Variants in PPARGC1B observed in about 807,000 individuals in gnomAD.
PPARGC1B encodes the protein peroxisome proliferator-activated receptor gamma coactivator 1-beta.
A neutral mutation model predicts 101.6 loss-of-function variants in PPARGC1B; 34 were observed. The observed-to-expected ratio is 0.33, with a 90% confidence interval of 0.25 to 0.45. The LOEUF (loss-of-function observed/expected upper bound fraction) is 0.45, where lower values mean the gene tolerates loss of function less well. PPARGC1B is among the 20% of genes least tolerant of loss of function. The probability of loss-of-function intolerance (pLI) is 1.00; values close to 1 mark genes in which losing one functional copy is unlikely to be tolerated. For synonymous variants in PPARGC1B, 548 were observed against 539.3 expected (o/e 1.02, Z -0.22); for missense variants, 1,234 against 1,317.6 (o/e 0.94, Z 0.98).
At chr5:149,799,693 G>GTTTTTGTTTT (rs1757363943) in intron 1 of PPARGC1B, among the ~76,000 whole-genome samples, 1 of 76,480 alleles carries the variant, frequency 1.3e-5, no homozygotes, top group Non-Finnish European at 2.2e-5. Context: ...GCTTGTTGTT[G>GTTTTTGTTTT]TTTTTTTTTT....
intron 11 of PPARGC1B, chr5:149,847,151 C>G (rs558341819): frequency 8.4e-5 from 41 of 490,086 alleles, no homozygotes; most frequent in Non-Finnish European, 1.4e-4. Context: ...TACTAATGGA[C>G]GAGAAGCTGT....
At chr5:149,755,040 C>CATATATATATATATAT (rs761461783) in intron 1 of PPARGC1B, among the ~76,000 whole-genome samples, 17 of 85,238 alleles carry the variant, frequency 2.0e-4, no homozygotes, top group South Asian at 1.4e-3. Context: ...ACTACATATA[C>CATATATATATATATAT]ATATACATAT....
chr5:149,764,337 C>T (rs570220686), intron 1 of PPARGC1B, among the ~76,000 whole-genome samples: 3 of 152,224 alleles, frequency 2.0e-5, no homozygotes, highest in African/African-American at 4.8e-5. Context: ...CTCAGCCCGG[C>T]GAGCAGTGGC....
intron 3 of PPARGC1B, among the ~76,000 whole-genome samples, chr5:149,828,132 T>C (rs1226619645): frequency 6.6e-6 from 1 of 152,180 alleles, no homozygotes; most frequent in Non-Finnish European, 1.5e-5. Context: ...AACTCAGGTA[T>C]TCACTCCTAG....
At chr5:149,745,932 A>G (rs1755072419) in intron 1 of PPARGC1B, among the ~76,000 whole-genome samples, 1 of 152,188 alleles carries the variant, frequency 6.6e-6, no homozygotes, top group Non-Finnish European at 1.5e-5. Context: ...GCAGCCTGAG[A>G]GAACACAAGT....
chr5:149,742,898 T>C (rs200606679), intron 1 of PPARGC1B, among the ~76,000 whole-genome samples: 1 of 151,522 alleles, frequency 6.6e-6, no homozygotes, highest in South Asian at 2.1e-4. Context: ...GTGGCTGGGG[T>C]GGGTGGTGGG....
At chr5:149,766,238 T>C (rs1209626784) in intron 1 of PPARGC1B, among the ~76,000 whole-genome samples, 1 of 152,208 alleles carries the variant, frequency 6.6e-6, no homozygotes, top group African/African-American at 2.4e-5. Context: ...AGTTATGTGG[T>C]TTAGGCAACA....
intron 1 of PPARGC1B, among the ~76,000 whole-genome samples, chr5:149,751,486 A>G (rs1337202884): frequency 4.6e-5 from 7 of 152,132 alleles, no homozygotes; most frequent in Non-Finnish European, 8.8e-5. Flanking sequence ...CGGGCGGATC[A>G]CCTGAGGTCA....
chr5:149,765,174 G>A (rs971381167), intron 1 of PPARGC1B, among the ~76,000 whole-genome samples: 2 of 152,240 alleles, frequency 1.3e-5, no homozygotes, highest in East Asian at 1.9e-4. Context: ...GTGTGACTTG[G>A]GTCAGCTTGT....
Position 149,772,178 on chromosome 5 carries a change from G to T in PPARGC1B, c.78+41758G>T, listed in dbSNP as rs559100817. 4.4e-6 allele frequency: 7 copies of T among 1,607,278 alleles called. No homozygotes were observed. In the South Asian group the frequency reaches 7.8e-5, roughly 18 times the overall value. ...CAGAGGTTGTTTAGGTGGCGTTGGTGGTGAAGGCTTTTTCTGTGAGCTTGT... is the reference window on the plus strand; with the variant it reads ...CAGAGGTTGTTTAGGTGGCGTTGGTTGTGAAGGCTTTTTCTGTGAGCTTGT... On this transcript the variant is annotated intron_variant, in intron 1 of 11. Transcript: ENST00000309241.
Position 149,833,339 on chromosome 5 carries a change from G to A in PPARGC1B, c.1266G>A (p.Arg422=). ...LRLEVKREVR[R]PARLQQQEEE... is the part of the protein sequence containing the mutation. ...TGGAGGTGAAAAGGGAGGTCCGCCG[G>A]CCTGCCAGACTGCAGCAGCAGGAGG... Residue 422 remains arginine, a synonymous_variant, in exon 5 of 12, where the codon CGG becomes CGA. Coordinates refer to ENST00000309241, the MANE Select transcript of PPARGC1B (RefSeq NM_133263.4). The surrounding 1 kb of genome is among the most constrained non-coding windows in gnomAD (Gnocchi z 4.1). 1 of 1,613,424 alleles carries A rather than the reference G, an allele frequency of 6.2e-7. No homozygotes were observed. The highest frequency in any genetic ancestry group is 8.5e-7 in the Non-Finnish European group (1 of 1,180,024).
At chr5:149,750,197 T>A (rs1028151119) in intron 1 of PPARGC1B, among the ~76,000 whole-genome samples, 1 of 151,926 alleles carries the variant, frequency 6.6e-6, no homozygotes, top group Non-Finnish European at 1.5e-5. Flanking sequence ...AGAGAATCCC[T>A]GATTTCCAAC....
Position 149,799,693 on chromosome 5 carries a change from G to GTTTTTTTTTTTTTTTTTTTT in PPARGC1B, c.79-20738_79-20719dup, listed in dbSNP as rs11371560. 2.6e-4 allele frequency among the ~76,000 whole-genome samples: 20 copies of GTTTTTTTTTTTTTTTTTTTT among 76,478 alleles called. 5 individuals carry two copies. The highest frequency in any genetic ancestry group is 1.1e-3 in the South Asian group (2 of 1,764). The allele number at this position is 76,478 out of a possible 152,430, so 50.2% of individuals were successfully genotyped here. Reference sequence around the variant, plus strand: ...TTTGTTTGTTTGTTTGCTTGTTGTTGTTTTTTTTTTTTTTTTTTTTTGAGA... The same window carrying GTTTTTTTTTTTTTTTTTTTT: ...TTTGTTTGTTTGTTTGCTTGTTGTTGTTTTTTTTTTTTTTTTTTTTTTTTTTTTTTTTTTTTTTTTTGAGA... On this transcript the variant is annotated intron_variant, in intron 1 of 11. Transcript: ENST00000309241.
Position 149,836,375 on chromosome 5 carries a change from G to A in PPARGC1B, c.1920G>A (p.Glu640=). Residue 640 remains glutamate, a synonymous_variant, in exon 8 of 12, where the codon GAG becomes GAA. Transcript: ENST00000309241. ...TAGCTCTCAGCCTCCCCTCCCCTGAGGGCCTCTCACTCAAGGCCACCCCAG... is the reference window on the plus strand; with the variant it reads ...TAGCTCTCAGCCTCCCCTCCCCTGAAGGCCTCTCACTCAAGGCCACCCCAG... ...KEIALSLPSP[E]GLSLKATPGA... 1.2e-6 allele frequency: 2 copies of A among 1,614,070 alleles called. No homozygotes were observed. The highest frequency in any genetic ancestry group is 1.7e-5 in the Admixed American group (1 of 60,022).
chr5:149,840,014 G>A (rs779547432), intron 8 of PPARGC1B, 27 bp from the exon 9 acceptor site: 1 of 1,611,354 alleles, frequency 6.2e-7, no homozygotes, highest in Admixed American at 1.7e-5. Context: ...GAGAGTGAGT[G>A]CCTCTGCTTT....
intron 1 of PPARGC1B, among the ~76,000 whole-genome samples, chr5:149,783,138 C>T (rs899643436): frequency 6.6e-6 from 1 of 151,972 alleles, no homozygotes; most frequent in Non-Finnish European, 1.5e-5. Flanking sequence ...CCTTCTTCAC[C>T]CCTGGGCCAC....
downstream of PPARGC1B, among the ~76,000 whole-genome samples, chr5:149,855,526 C>T (rs183304626): frequency 9.9e-5 from 15 of 152,270 alleles, no homozygotes; most frequent in African/African-American, 3.6e-4. Flanking sequence ...AAACACTCAT[C>T]AATTTGTAAT....
chr5:149,835,209 C>A, intron 6 of PPARGC1B, 92 bp from the exon 7 acceptor site: 1 of 1,170,250 alleles, frequency 8.5e-7, no homozygotes, highest in Non-Finnish European at 1.3e-6. Flanking sequence ...CAGGGCCTGT[C>A]ACAGCACTCC....
chr5:149,830,246 C>CTT (rs74273665), intron 3 of PPARGC1B, among the ~76,000 whole-genome samples: 3 of 138,566 alleles, frequency 2.2e-5, no homozygotes, highest in Admixed American at 1.4e-4. Context: ...GATGTGTCTT[C>CTT]TTTTTTTTTT....
Sources: gnomAD v4.1 joint callset for allele counts (sites outside exome capture counted in the v4.1 genomes callset) on GRCh38, gnomAD v4.1.1 for gene constraint, Gnocchi (gnomAD v3.1) non-coding constraint, MANE v1.5 for transcripts, NCBI Gene and HGNC (gene_info 2026-07-23, HGNC 2026-07-21) for gene names.